The following SAMD3 variants were observed in gnomAD, a reference collection of about 807,000 sequenced individuals.
SAMD3 encodes the protein sterile alpha motif domain containing 3.
A neutral mutation model predicts 58.5 loss-of-function variants in SAMD3; 63 were observed. The ratio of observed to expected loss-of-function variants is 1.08; its 90% CI spans 0.88 to 1.33. The LOEUF (loss-of-function observed/expected upper bound fraction) is 1.33. Ranked by LOEUF, SAMD3 falls within the 40% of genes most tolerant of loss-of-function variation. SAMD3 has a pLI of 0.00. For missense variants in SAMD3, 604 were observed against 608.4 expected (o/e 0.99, Z 0.08); for synonymous variants, 220 against 210.3 (o/e 1.05, Z -0.40).
chr6:130,219,183 A>AT (rs1796120670), intron 1 of SAMD3, among the ~76,000 whole-genome samples: 2 of 152,158 alleles, frequency 1.3e-5, no homozygotes, highest in South Asian at 4.1e-4. Flanking sequence ...AAAACTATTA[A>AT]TTTTTTTCAT....
At chr6:130,211,692 T>C (rs1795585099) in intron 4 of SAMD3, among the ~76,000 whole-genome samples, 2 of 152,062 alleles carry the variant, frequency 1.3e-5, no homozygotes, top group Admixed American at 6.6e-5. Flanking sequence ...TGATGTCTTA[T>C]GTCTCCGTAA....
At chr6:130,224,713 G>T (rs1796339914), upstream of SAMD3, among the ~76,000 whole-genome samples, 1 of 151,710 alleles carries the variant, frequency 6.6e-6, no homozygotes, top group Non-Finnish European at 1.5e-5. Context: ...CCACCTCCTG[G>T]GTTTAAGCGA....
chr6:130,162,774 A>G (rs2114619114), intron 8 of SAMD3, among the ~76,000 whole-genome samples: 1 of 152,316 alleles, frequency 6.6e-6, no homozygotes, highest in South Asian at 2.1e-4. Context: ...CTCCTGGCTA[A>G]CTATAGTGTT....
intron 11 of SAMD3, 47 bp from the exon 12 acceptor site, chr6:130,144,851 A>G (rs1356733848): frequency 1.4e-6 from 2 of 1,480,602 alleles, no homozygotes; most frequent in South Asian, 1.2e-5. Context: ...AAATAGCTAA[A>G]TAATAAAACA....
chr6:130,193,727 C>T (rs990471056), intron 5 of SAMD3, among the ~76,000 whole-genome samples: 39 of 152,270 alleles, frequency 2.6e-4, no homozygotes, highest in Middle Eastern at 3.4e-3. Flanking sequence ...AATACAAACT[C>T]GACAGTAGTT....
chr6:130,354,812 C>CA (rs1216049356), intron 1 of SAMD3, among the ~76,000 whole-genome samples: 1 of 151,992 alleles, frequency 6.6e-6, no homozygotes, highest in Admixed American at 6.6e-5. Context: ...TAAAAGTTAA[C>CA]AAAAATAAAT....
chr6:130,323,738 G>A (rs1776660215), intron 1 of SAMD3, among the ~76,000 whole-genome samples: 2 of 144,974 alleles, frequency 1.4e-5, no homozygotes, highest in African/African-American at 5.2e-5. Flanking sequence ...GGGAGGCGGA[G>A]GTTGCAGTGA....
At chr6:130,361,807 C>A (rs1054251531) in intron 1 of SAMD3, among the ~76,000 whole-genome samples, 16 of 152,134 alleles carry the variant, frequency 1.1e-4, no homozygotes, top group African/African-American at 3.1e-4. Context: ...GAGAGGCACC[C>A]CTTCTTGGGT....
rs11154564 is a variant in SAMD3, at chr6:130,288,520, C to A, written c.-188+24458G>T. ...TTGACTAAACAACTGTGTACCATAGCCTAGCCAAGGTAACACATCAAATTA... is the reference window on the plus strand; with the variant it reads ...TTGACTAAACAACTGTGTACCATAGACTAGCCAAGGTAACACATCAAATTA... On this transcript the variant is annotated intron_variant, in intron 2 of 13. Transcript: ENST00000368134. Among the ~76,000 whole-genome samples, 145 of 152,136 alleles carry A rather than the reference C, an allele frequency of 9.5e-4. 1 individual carries two copies. Among genetic ancestry groups the A allele is most frequent in the African/African-American group, 3.3e-3 (139 of 41,514 alleles).
At chr6:130,313,193 C>A (rs1776241641) in intron 1 of SAMD3, 1 of 152,208 alleles carries the variant, frequency 6.6e-6, no homozygotes, top group South Asian at 2.1e-4. Flanking sequence ...GCTGAGCATG[C>A]TGTGGGCTTG....
intron 2 of SAMD3, among the ~76,000 whole-genome samples, chr6:130,267,898 T>A (rs1435789676): frequency 6.6e-6 from 1 of 152,182 alleles, no homozygotes; most frequent in Admixed American, 6.5e-5. Context: ...TTGCTGATGC[T>A]CCCGGCCAAA....
intron 8 of SAMD3, among the ~76,000 whole-genome samples, chr6:130,171,226 T>C (rs1030324654): frequency 6.6e-6 from 1 of 152,248 alleles, no homozygotes; most frequent in African/African-American, 2.4e-5. Flanking sequence ...GTTCTGTTTA[T>C]GTAATGGATT....
At chr6:130,327,245 C>A (rs1030060375) in intron 1 of SAMD3, among the ~76,000 whole-genome samples, 1 of 151,984 alleles carries the variant, frequency 6.6e-6, no homozygotes, top group Non-Finnish European at 1.5e-5. Flanking sequence ...CCATGAAACA[C>A]ATCAGTCAAA....
At chr6:130,269,647 A>AT (rs201034034) in intron 2 of SAMD3, among the ~76,000 whole-genome samples, 27 of 150,600 alleles carry the variant, frequency 1.8e-4, no homozygotes, top group Admixed American at 2.0e-4. Flanking sequence ...AATTTTATTG[A>AT]TTTTTTTTCA....
At chr6:130,260,313 T>C (rs923773317) in intron 2 of SAMD3, among the ~76,000 whole-genome samples, 1 of 152,212 alleles carries the variant, frequency 6.6e-6, no homozygotes, top group African/African-American at 2.4e-5. Flanking sequence ...GCAACTGATG[T>C]TATCTATAGA....
intron 8 of SAMD3, among the ~76,000 whole-genome samples, chr6:130,158,915 T>G (rs1014085492): frequency 6.6e-6 from 1 of 152,148 alleles, no homozygotes; most frequent in Non-Finnish European, 1.5e-5. Flanking sequence ...GTTACAAAAT[T>G]ACACTCTATG....
intron 2 of SAMD3, among the ~76,000 whole-genome samples, chr6:130,285,213 G>T (rs1229409434): frequency 6.6e-6 from 1 of 152,176 alleles, no homozygotes; most frequent in African/African-American, 2.4e-5. Flanking sequence ...TAAACATGGA[G>T]CTTGAAGAGA....
intron 1 of SAMD3, among the ~76,000 whole-genome samples, chr6:130,313,943 T>C (rs772556746): frequency 2.0e-5 from 3 of 152,236 alleles, no homozygotes; most frequent in Non-Finnish European, 4.4e-5. Flanking sequence ...ATCTCTCATC[T>C]GCTGTTATCT....
At chr6:130,363,953 C>T (rs757887790) in intron 1 of SAMD3, among the ~76,000 whole-genome samples, 3 of 152,078 alleles carry the variant, frequency 2.0e-5, no homozygotes, top group African/African-American at 2.4e-5. Context: ...AAGATATTGG[C>T]CATTAGTAAG....
Sources: gnomAD v4.1 joint callset for allele counts (sites outside exome capture counted in the v4.1 genomes callset) on GRCh38, gnomAD v4.1.1 for gene constraint, MANE v1.5 for transcripts, NCBI Gene and HGNC (gene_info 2026-07-23, HGNC 2026-07-21) for gene names.